WFDC10B: variants seen among roughly 807,000 people sequenced by gnomAD.
WFDC10B encodes the protein WAP four-disulfide core domain 10B, also known as protein WFDC10B.
Under a neutral mutation model 2.7 loss-of-function variants are expected in WFDC10B, and 1 was observed. That is an observed-to-expected ratio of 0.38 (90% CI 0.13 to 1.79). The LOEUF (loss-of-function observed/expected upper bound fraction) is 1.79. Among genes scored for constraint, WFDC10B ranks in the 40% most tolerant of loss-of-function variants. WFDC10B has a pLI of 0.33. For missense variants in WFDC10B, 71 were observed against 87.8 expected (o/e 0.81, Z 0.76); for synonymous variants, 26 against 32.2 (o/e 0.81, Z 0.65).
At chr20:45,686,171 C>T in intron 2 of WFDC10B, 115 bp from the exon 3 acceptor site, 1 of 1,269,640 alleles carries the variant, frequency 7.9e-7, no homozygotes, top group Non-Finnish European at 1.1e-6. Context: ...TCTCCTGGCC[C>T]TGTCCTTCTC....
intron 2 of WFDC10B, among the ~76,000 whole-genome samples, chr20:45,687,438 G>A (rs898822142): frequency 6.6e-6 from 1 of 152,102 alleles, no homozygotes; most frequent in African/African-American, 2.4e-5. Context: ...TTAATTTCAT[G>A]TCTTTGCTAT....
At position 45,697,694 on chromosome 20, in the gene WFDC10B, C is replaced by T. The variant is rs149993165; in HGVS notation, c.-65+6803G>A. Among the ~76,000 whole-genome samples, 1,407 of 150,102 alleles carry T rather than the reference C, an allele frequency of 9.4e-3. 11 individuals carry two copies. Among genetic ancestry groups the T allele is most frequent in the Middle Eastern group, 0.011 (3 of 284 alleles). ...ATTGGAAGACTTAAAATTATTAAGA[C>T]GGCATTACAATGCAATTCCAATCAA... On this transcript the variant is annotated intron_variant, in intron 2 of 3. Coordinates refer to ENST00000330523, the MANE Select transcript of WFDC10B (RefSeq NM_172006.2).
chr20:45,684,651 T>A lies in WFDC10B; in HGVS notation c.*179A>T, dbSNP rs1983544609. Reference sequence around the variant, plus strand: ...TGTAGTGGCAGCAAAAGAGGCAGGATCCATGGGCATTTGTTCTGGTTTATT... The same window carrying A: ...TGTAGTGGCAGCAAAAGAGGCAGGAACCATGGGCATTTGTTCTGGTTTATT... On this transcript the variant is annotated 3_prime_UTR_variant, in exon 4 of 4. Coordinates refer to ENST00000330523, the MANE Select transcript of WFDC10B (RefSeq NM_172006.2). The A allele has an allele frequency of 1.3e-6, 1 of 751,482 alleles. No individual in the cohort carries two copies. Among genetic ancestry groups the A allele is most frequent in the Non-Finnish European group, 2.1e-6 (1 of 487,114 alleles). 46.6% of individuals were successfully genotyped at this position (751,482 alleles called of 1,614,324 possible). A position where few individuals can be genotyped will look rare whatever the true frequency, so the allele number is the denominator to read the frequency against.
intron 2 of WFDC10B, among the ~76,000 whole-genome samples, chr20:45,699,467 T>G (rs1434313607): frequency 3.9e-5 from 6 of 152,224 alleles, no homozygotes; most frequent in Non-Finnish European, 8.8e-5. Flanking sequence ...AATGAAGTAC[T>G]GGTGCATGCT....
chr20:45,693,816 G>A (rs562531029), intron 2 of WFDC10B, among the ~76,000 whole-genome samples: 12 of 152,326 alleles, frequency 7.9e-5, no homozygotes, highest in Middle Eastern at 3.4e-3. Context: ...TTCGGCTTGC[G>A]CACGGTGCGC....
intron 2 of WFDC10B, among the ~76,000 whole-genome samples, chr20:45,702,931 G>A (rs539591548): frequency 3.9e-5 from 6 of 152,322 alleles, no homozygotes; most frequent in Admixed American, 3.9e-4. Context: ...AGGGATAAGT[G>A]TGGTAGCTCA....
chr20:45,694,981 C>T (rs1338136575), intron 2 of WFDC10B, among the ~76,000 whole-genome samples: 2 of 152,226 alleles, frequency 1.3e-5, no homozygotes, highest in African/African-American at 2.4e-5. Flanking sequence ...ACAGAAATTC[C>T]TGTGCTTGGG....
At chr20:45,692,786 G>A (rs1246149098) in intron 2 of WFDC10B, among the ~76,000 whole-genome samples, 1 of 152,056 alleles carries the variant, frequency 6.6e-6, no homozygotes, top group Non-Finnish European at 1.5e-5. Context: ...ATTTCCTCCT[G>A]TAGCTCGTAG....
intron 2 of WFDC10B, chr20:45,701,961 G>A (rs1386267129): frequency 9.6e-6 from 6 of 625,428 alleles, no homozygotes; most frequent in Non-Finnish European, 1.7e-5. Flanking sequence ...TGATTGGGAG[G>A]TGCTTGGATT....
chr20:45,692,901 G>A (rs1229061857), intron 2 of WFDC10B, among the ~76,000 whole-genome samples: 3 of 152,162 alleles, frequency 2.0e-5, no homozygotes, highest in African/African-American at 7.2e-5. Context: ...GAGGAGAGGT[G>A]CTGTGCTTTT....
At chr20:45,695,840 G>A (rs1983959518) in intron 2 of WFDC10B, among the ~76,000 whole-genome samples, 2 of 152,004 alleles carry the variant, frequency 1.3e-5, no homozygotes, top group South Asian at 4.2e-4. Flanking sequence ...AACTAACTGG[G>A]CATGGTGGTA....
intron 2 of WFDC10B, among the ~76,000 whole-genome samples, chr20:45,689,308 T>A (rs981154142): frequency 4.0e-5 from 6 of 151,864 alleles, no homozygotes; most frequent in Non-Finnish European, 8.8e-5. Context: ...GGCTTAGGAT[T>A]GACTTGGCGA....
At chr20:45,700,428 T>C (rs1348677198) in intron 2 of WFDC10B, among the ~76,000 whole-genome samples, 1 of 152,174 alleles carries the variant, frequency 6.6e-6, no homozygotes, top group African/African-American at 2.4e-5. Context: ...CCCAGTTCAT[T>C]ATGAACATAG....
At chr20:45,691,141 C>T (rs1049484009) in intron 2 of WFDC10B, among the ~76,000 whole-genome samples, 242 of 152,120 alleles carry the variant, frequency 1.6e-3, no homozygotes, top group African/African-American at 5.6e-3. Context: ...TGTAGTTGAG[C>T]GGTTTTGAGT....
In WFDC10B at chr20:45,693,809, G is replaced by A. The variant is rs543847184; in HGVS notation, c.-64-7753C>T. On this transcript the variant is annotated intron_variant, in intron 2 of 3. Coordinates refer to ENST00000330523, the MANE Select transcript of WFDC10B (RefSeq NM_172006.2). ...GTGAGGCAATGCCTCGCACTGCTTC[G>A]GCTTGCGCACGGTGCGCTGCACCCA... Among the ~76,000 whole-genome samples the A allele has an allele frequency of 6.6e-5, 10 of 152,302 alleles. No individual in the cohort carries two copies. In the South Asian group the frequency reaches 8.3e-4, roughly 13 times the overall value.
intron 1 of WFDC10B, 101 bp downstream of exon 1, chr20:45,704,817 C>A (rs151324117): frequency 7.3e-7 from 1 of 1,367,360 alleles, no homozygotes; most frequent in Admixed American, 1.7e-5. Context: ...TCACCATATC[C>A]GTGAATTTCT....
intron 2 of WFDC10B, among the ~76,000 whole-genome samples, chr20:45,687,144 C>G (rs1451369340): frequency 6.6e-6 from 1 of 152,158 alleles, no homozygotes; most frequent in Non-Finnish European, 1.5e-5. Context: ...GCCATTTATC[C>G]TGATGCTCTC....
At chr20:45,699,001 G>GGGAGGA (rs1984065005) in intron 2 of WFDC10B, among the ~76,000 whole-genome samples, 1 of 150,684 alleles carries the variant, frequency 6.6e-6, no homozygotes, top group African/African-American at 2.4e-5. Flanking sequence ...GAGAAGGAGG[G>GGGAGGA]GGAGGGGGAA....
At chr20:45,697,536 G>A (rs1175810708) in intron 2 of WFDC10B, among the ~76,000 whole-genome samples, 1 of 151,692 alleles carries the variant, frequency 6.6e-6, no homozygotes. Context: ...ATTTTCTGTA[G>A]AGACAGGGTT....
Sources: gnomAD v4.1 joint callset for allele counts (sites outside exome capture counted in the v4.1 genomes callset) on GRCh38, gnomAD v4.1.1 for gene constraint, MANE v1.5 for transcripts, NCBI Gene and HGNC (gene_info 2026-07-23, HGNC 2026-07-21) for gene names.